The following SH3PXD2A variants were observed in gnomAD, a reference collection of about 807,000 sequenced individuals.
The protein encoded by SH3PXD2A is SH3 and PX domains 2A.
In SH3PXD2A, 32 loss-of-function variants were observed where a neutral mutation model predicts 115.2. That is an observed-to-expected ratio of 0.28 (90% CI 0.21 to 0.37). The LOEUF is 0.37. SH3PXD2A is among the 10% of genes least tolerant of loss of function. SH3PXD2A has a pLI of 1.00. For missense variants in SH3PXD2A, 1,328 were observed against 1,498.7 expected (o/e 0.89, Z 1.88); for synonymous variants, 610 against 629.1 (o/e 0.97, Z 0.45).
At chr10:103,801,763 G>A (rs2039150102) in intron 1 of SH3PXD2A, among the ~76,000 whole-genome samples, 1 of 152,200 alleles carries the variant, frequency 6.6e-6, no homozygotes, top group Admixed American at 6.5e-5. Context: ...GAGTGCAGTG[G>A]TGTGATCTCG....
chr10:103,639,712 C>A (rs1376997939), intron 8 of SH3PXD2A, among the ~76,000 whole-genome samples: 2 of 151,712 alleles, frequency 1.3e-5, no homozygotes, highest in South Asian at 2.1e-4. Context: ...TTAAGCAGAG[C>A]ACAGAGGTGT....
chr10:103,775,780 T>A lies in SH3PXD2A; in HGVS notation c.154-8611A>T, dbSNP rs2038871480. On this transcript the variant is annotated intron_variant, in intron 2 of 14. Coordinates refer to ENST00000369774, the MANE Select transcript of SH3PXD2A (RefSeq NM_001394015.1). ...AGGGCAGATGCCTGATGTGCCACTCTCAGGGGTAATTAGGGTGCCCTAAAG... is the reference window on the plus strand; with the variant it reads ...AGGGCAGATGCCTGATGTGCCACTCACAGGGGTAATTAGGGTGCCCTAAAG... Among the ~76,000 whole-genome samples, 6 of 152,146 alleles carry A rather than the reference T, an allele frequency of 3.9e-5. No individual in the cohort carries two copies. The South Asian group carries it at 1.2e-3, about 32-fold the overall frequency.
At position 103,801,288 on chromosome 10, in the gene SH3PXD2A, G is replaced by T. The variant is rs142363666; in HGVS notation, c.147C>A (p.Asp49Glu). Residue 49 changes from aspartate (D) to glutamate (E), a missense_variant, in exon 2 of 15, where the codon GAC (aspartate) becomes GAA (glutamate). By Grantham distance (45) the Asp-to-Glu change is conservative. Around this residue, in one of 5 missense-constraint regions of SH3PXD2A, gnomAD observed 110 missense variants for 160.0 expected, o/e 0.69. Transcript: ENST00000369774. ...TIYRRYSKFF[D>E]LQMQLLDKFP... ...CGAGCTCTGACAAACTCACCTGCAG[G>T]TCAAAGAACTTGCTGTACCTCCGGT... is the stretch of plus-strand genomic sequence containing the variant. The T allele has an allele frequency of 1.6e-5, 25 of 1,606,340 alleles. No individual in the cohort carries two copies. In the African/African-American group the frequency reaches 2.8e-4, roughly 18 times the overall value.
chr10:103,837,932 C>T (rs1291644560), intron 1 of SH3PXD2A, among the ~76,000 whole-genome samples: 2 of 152,056 alleles, frequency 1.3e-5, no homozygotes, highest in Non-Finnish European at 2.9e-5. Flanking sequence ...TTGGGGCCCT[C>T]GCCAAGCCTC....
At chr10:103,801,497 A>C in intron 1 of SH3PXD2A, 135 bp from the exon 2 acceptor site, 7 of 608,412 alleles carry the variant, frequency 1.2e-5, no homozygotes, top group Non-Finnish European at 1.8e-5. Context: ...CCTAGGGGCT[A>C]GCACAGTATC....
chr10:103,682,586 T>C (rs560432168), intron 6 of SH3PXD2A, among the ~76,000 whole-genome samples: 88 of 152,170 alleles, frequency 5.8e-4, no homozygotes, highest in African/African-American at 2.1e-3. Flanking sequence ...TGAAATCCCA[T>C]CTCTACTAAA....
chr10:103,688,668 T>C (rs1358108904), intron 6 of SH3PXD2A, among the ~76,000 whole-genome samples: 2 of 152,104 alleles, frequency 1.3e-5, no homozygotes, highest in Non-Finnish European at 2.9e-5. Context: ...AGGTGACTGG[T>C]GTGGCTGAGC....
intron 5 of SH3PXD2A, among the ~76,000 whole-genome samples, chr10:103,717,668 T>C (rs1226060004): frequency 2.6e-5 from 4 of 152,250 alleles, no homozygotes; most frequent in Admixed American, 2.0e-4. Context: ...TTTCAAAGAC[T>C]TTTAGATTCC....
In SH3PXD2A at chr10:103,663,052, G is replaced by A. The variant is rs142278089; in HGVS notation, c.473-1938C>T. Among the ~76,000 whole-genome samples, 376 of 152,244 alleles carry A rather than the reference G, an allele frequency of 2.5e-3. 2 individuals carry two copies. Among genetic ancestry groups the A allele is most frequent in the Admixed American group, 0.019 (291 of 15,296 alleles). On this transcript the variant is annotated intron_variant, in intron 7 of 14. Transcript: ENST00000369774. ...ACTCCTGGGCTCAAGTGATCCTCCC[G>A]CCTCAGTCTCTCAAAGTGCTGGGAT...
intron 3 of SH3PXD2A, among the ~76,000 whole-genome samples, chr10:103,766,277 C>T (rs535120797): frequency 3.9e-5 from 6 of 152,160 alleles, no homozygotes; most frequent in African/African-American, 9.7e-5. Context: ...AGTCTGAGCC[C>T]GGGGGGAAGC....
chr10:103,702,596 C>CGTGTGTGTGTGTGTGT (rs6144056), intron 5 of SH3PXD2A, among the ~76,000 whole-genome samples: 28,127 of 147,328 alleles, frequency 0.19, 2,891 homozygotes, highest in South Asian at 0.26. Flanking sequence ...TGTGTGTGTG[C>CGTGTGTGTGTGTGTGT]GTGTGTGTGT....
intron 9 of SH3PXD2A, among the ~76,000 whole-genome samples, chr10:103,622,993 G>A (rs565603017): frequency 3.7e-4 from 56 of 152,314 alleles, no homozygotes; most frequent in African/African-American, 1.2e-3. Flanking sequence ...CGCTCACTGA[G>A]TACTGACTGT....
At chr10:103,767,231 T>C (rs2038763781) in intron 2 of SH3PXD2A, 62 bp from the exon 3 acceptor site, 5 of 1,271,348 alleles carry the variant, frequency 3.9e-6, no homozygotes, top group Non-Finnish European at 5.7e-6. Flanking sequence ...TCATCATCCC[T>C]TCCCCACTCA....
chr10:103,768,678 G>C (rs2134226739), intron 2 of SH3PXD2A, among the ~76,000 whole-genome samples: 1 of 152,354 alleles, frequency 6.6e-6, no homozygotes, highest in South Asian at 2.1e-4. Flanking sequence ...GAAGCAGGGA[G>C]ACCAGTTAGG....
At chr10:103,668,579 C>G (rs758160157) in intron 7 of SH3PXD2A, 29 bp downstream of exon 7, 45 of 1,544,756 alleles carry the variant, frequency 2.9e-5, no homozygotes, top group Non-Finnish European at 3.8e-5. Context: ...CACACATGCT[C>G]ACACACATGC....
At chr10:103,711,208 T>C (rs768580911) in intron 5 of SH3PXD2A, among the ~76,000 whole-genome samples, 12 of 152,204 alleles carry the variant, frequency 7.9e-5, no homozygotes, top group Non-Finnish European at 1.5e-4. Context: ...GCCAAGCTGA[T>C]AATCAGCTCC....
At chr10:103,624,796 C>T (rs1003206083) in intron 9 of SH3PXD2A, among the ~76,000 whole-genome samples, 5 of 152,154 alleles carry the variant, frequency 3.3e-5, no homozygotes, top group Non-Finnish European at 7.4e-5. Flanking sequence ...CATGTGGCTG[C>T]AGGTGCAGAG....
chr10:103,798,000 G>A (rs1387151213), intron 2 of SH3PXD2A, among the ~76,000 whole-genome samples: 6 of 152,166 alleles, frequency 3.9e-5, no homozygotes, highest in Non-Finnish European at 5.9e-5. Context: ...GTCAGCGACC[G>A]CTTGGGATCG....
At chr10:103,619,984 T>C (rs1348651957) in intron 10 of SH3PXD2A, among the ~76,000 whole-genome samples, 1 of 152,198 alleles carries the variant, frequency 6.6e-6, no homozygotes, top group Non-Finnish European at 1.5e-5. Context: ...GCATGGACTT[T>C]CCATGTGGAC....
Sources: allele counts gnomAD v4.1 joint callset (sites outside exome capture counted in the v4.1 genomes callset), GRCh38; gene constraint gnomAD v4.1.1; regional missense constraint gnomAD v4.1.1; transcripts MANE v1.5; gene names NCBI Gene and HGNC (gene_info 2026-07-23, HGNC 2026-07-21).